The following KRCC1 variants were observed in gnomAD, a reference collection of about 807,000 sequenced individuals.
The protein encoded by KRCC1 is lysine-rich coiled-coil protein 1.
Under a neutral mutation model 7.4 loss-of-function variants are expected in KRCC1, and 3 were observed. That is an observed-to-expected ratio of 0.40 (90% CI 0.18 to 1.04). The LOEUF (loss-of-function observed/expected upper bound fraction) is 1.04. Ranked by LOEUF, KRCC1 falls within the 50% of genes least tolerant of loss-of-function variation. The pLI, the probability that KRCC1 is intolerant of heterozygous loss-of-function variation, is 0.33. For synonymous variants in KRCC1, 102 were observed against 101.6 expected (o/e 1.00, Z -0.02); for missense variants, 277 against 300.9 (o/e 0.92, Z 0.59).
chr2:88,055,578 T>G (rs552752788), intron 1 of KRCC1, 48 bp downstream of exon 1: 2 of 151,872 alleles, frequency 1.3e-5, no homozygotes, highest in African/African-American at 2.4e-5. Flanking sequence ...GCGCAGGAGT[T>G]GAGGGGCTGA....
At chr2:88,054,639 G>C (rs1401396862) in intron 1 of KRCC1, among the ~76,000 whole-genome samples, 1 of 151,886 alleles carries the variant, frequency 6.6e-6, no homozygotes, top group Non-Finnish European at 1.5e-5. Context: ...GACTCTACTT[G>C]AGCCCTCTCT....
intron 1 of KRCC1, among the ~76,000 whole-genome samples, chr2:88,053,117 C>T (rs1248023077): frequency 6.6e-6 from 1 of 151,796 alleles, no homozygotes; most frequent in East Asian, 1.9e-4. Context: ...GAGGTCTTCT[C>T]GGGGGTACGA....
At chr2:88,028,644 C>CA in intron 3 of KRCC1, 59 bp from the exon 4 acceptor site, 2 of 502,748 alleles carry the variant, frequency 4.0e-6, no homozygotes, top group Non-Finnish European at 6.7e-6. Context: ...TTCCTTTGCT[C>CA]TTTTTTTTTT....
intron 1 of KRCC1, among the ~76,000 whole-genome samples, chr2:88,052,782 TTAGTA>T: frequency 6.6e-6 from 1 of 152,346 alleles, no homozygotes; most frequent in Admixed American, 6.5e-5. Flanking sequence ...GTTGTGACTG[TTAGTA>T]TACTTGTGTC....
rs1314449189 is a variant in KRCC1, at chr2:88,055,681, C to T, written c.-346G>A. 2.6e-5 allele frequency: 4 copies of T among 152,838 alleles called. No individual in the cohort carries two copies. In the East Asian group the frequency reaches 5.7e-4, roughly 22 times the overall value. 9.5% of individuals were successfully genotyped at this position (152,838 alleles called of 1,614,324 possible). A position where few individuals can be genotyped will look rare whatever the true frequency, so the allele number is the denominator to read the frequency against. On this transcript the variant is annotated 5_prime_UTR_variant, in exon 1 of 4. Transcript: ENST00000347055. Reference sequence around the variant, plus strand: ...CTACTGTCCCCCGCCCCGCCAACGCCGCCAGCCAGGGGATAAGCCGCGGTG... The same window carrying T: ...CTACTGTCCCCCGCCCCGCCAACGCTGCCAGCCAGGGGATAAGCCGCGGTG...
In KRCC1 at chr2:88,027,862, A is replaced by C; in HGVS notation, c.702T>G (p.Arg234=). The C allele has an allele frequency of 6.2e-7, 1 of 1,611,488 alleles. No homozygotes were observed. The highest frequency in any genetic ancestry group is 8.5e-7 in the Non-Finnish European group (1 of 1,179,494). ...DVVSKKEERK[R]TKKKKEQGQE... ...GGCCTTGTTCCTTTTTCTTTTTTGT[A>C]CGCTTACGTTCCTCTTTCTTAGAGA... The change falls in exon 4 of 4, where the codon CGT becomes CGG. Residue 234 remains arginine (R), a synonymous_variant. Coordinates refer to ENST00000347055, the MANE Select transcript of KRCC1 (RefSeq NM_016618.3).
In KRCC1 at chr2:88,028,557, G is replaced by A; in HGVS notation, c.7C>T (p.His3Tyr). ...AAAGAGTCATATGTCTTCTTTGAAT[G>A]CTTCATTAGGTTGACAAAACGGGAT... is the stretch of plus-strand genomic sequence containing the variant. MK[H>Y]SKKTYDSFQD... The change falls in exon 4 of 4, where the codon CAT (histidine) becomes TAT (tyrosine). Residue 3 changes from histidine (H) to tyrosine (Y), a missense_variant. By Grantham distance (83) the His-to-Tyr change is moderately conservative. Coordinates refer to ENST00000347055, the MANE Select transcript of KRCC1 (RefSeq NM_016618.3). 1.2e-6 allele frequency: 2 copies of A among 1,604,152 alleles called. No individual in the cohort carries two copies. The highest frequency in any genetic ancestry group is 1.7e-6 in the Non-Finnish European group (2 of 1,176,210).
chr2:88,043,765 G>A (rs1673267303), intron 1 of KRCC1, among the ~76,000 whole-genome samples: 1 of 152,180 alleles, frequency 6.6e-6, no homozygotes, highest in South Asian at 2.1e-4. Flanking sequence ...TGCCTCCCGG[G>A]TTCAAGCGGT....
chr2:88,033,660 T>C (rs1040402817), intron 3 of KRCC1, among the ~76,000 whole-genome samples: 1 of 152,268 alleles, frequency 6.6e-6, no homozygotes, highest in African/African-American at 2.4e-5. Context: ...AAAAAGATTT[T>C]ACTTTACATC....
intron 1 of KRCC1, among the ~76,000 whole-genome samples, chr2:88,051,053 A>C (rs12472498): frequency 0.84 from 126,743 of 151,184 alleles, 54,301 homozygotes; most frequent in Non-Finnish European, 0.93. Flanking sequence ...CCTCCCAAGT[A>C]GCTGGGACTA....
chr2:88,044,097 T>G (rs1673277223), intron 1 of KRCC1, among the ~76,000 whole-genome samples: 1 of 152,238 alleles, frequency 6.6e-6, no homozygotes, highest in African/African-American at 2.4e-5. Context: ...TTGCAGTTAG[T>G]AAATGACAAG....
At chr2:88,044,561 C>G (rs1278505301) in intron 1 of KRCC1, among the ~76,000 whole-genome samples, 1 of 152,086 alleles carries the variant, frequency 6.6e-6, no homozygotes, top group African/African-American at 2.4e-5. Context: ...AAGGTCTGAA[C>G]AGATACTTCA....
At chr2:88,029,176 G>A (rs977411952) in intron 3 of KRCC1, among the ~76,000 whole-genome samples, 1 of 152,162 alleles carries the variant, frequency 6.6e-6, no homozygotes, top group African/African-American at 2.4e-5. Flanking sequence ...TAAAATGTGA[G>A]ATAAGCAGGG....
chr2:88,035,226 T>G (rs1673069491), intron 2 of KRCC1, among the ~76,000 whole-genome samples: 1 of 152,208 alleles, frequency 6.6e-6, no homozygotes, highest in African/African-American at 2.4e-5. Flanking sequence ...AGACTACCAG[T>G]TGCCTTCCAA....
At chr2:88,048,399 T>C (rs1169186772) in intron 1 of KRCC1, among the ~76,000 whole-genome samples, 1 of 152,212 alleles carries the variant, frequency 6.6e-6, no homozygotes, top group African/African-American at 2.4e-5. Flanking sequence ...ATTGAAGTTA[T>C]CTAAAAGTAT....
chr2:88,052,741 C>T (rs1673521543), intron 1 of KRCC1, among the ~76,000 whole-genome samples: 1 of 152,182 alleles, frequency 6.6e-6, no homozygotes, highest in East Asian at 1.9e-4. Flanking sequence ...TTCATGAATA[C>T]AGTTCATCTG....
intron 3 of KRCC1, among the ~76,000 whole-genome samples, chr2:88,031,309 A>G (rs1286395138): frequency 6.6e-6 from 1 of 151,842 alleles, no homozygotes; most frequent in Non-Finnish European, 1.5e-5. Flanking sequence ...AGCTTTTCAT[A>G]AAAAAGTTTA....
At chr2:88,047,482 C>T (rs1673363426) in intron 1 of KRCC1, among the ~76,000 whole-genome samples, 4 of 152,154 alleles carry the variant, frequency 2.6e-5, no homozygotes, top group Admixed American at 2.6e-4. Context: ...AATTTTCATG[C>T]CTCACAGCGT....
At chr2:88,040,306 GTCTGT>G (rs1406797080) in intron 1 of KRCC1, among the ~76,000 whole-genome samples, 2 of 152,110 alleles carry the variant, frequency 1.3e-5, no homozygotes, top group Non-Finnish European at 2.9e-5. Flanking sequence ...CCTGAGTCAT[GTCTGT>G]TCTAGCTTTA....
Sources: allele counts gnomAD v4.1 joint callset (sites outside exome capture counted in the v4.1 genomes callset), GRCh38; gene constraint gnomAD v4.1.1; transcripts MANE v1.5; gene names NCBI Gene and HGNC (gene_info 2026-07-23, HGNC 2026-07-21).